The following ADGRG1 variants were observed in gnomAD, a reference collection of about 807,000 sequenced individuals.
ADGRG1 encodes the protein adhesion G protein-coupled receptor G1, also known as 7-transmembrane protein with no EGF-like N-terminal domains-1.
ADGRG1 carries 53 observed loss-of-function variants against 73.5 expected under a neutral mutation model. That is an observed-to-expected ratio of 0.72 (90% CI 0.58 to 0.91). ADGRG1 has a LOEUF of 0.91. ADGRG1 is among the 40% of genes least tolerant of loss of function. ADGRG1 has a pLI of 0.00. For missense variants in ADGRG1, 795 were observed against 871.8 expected (o/e 0.91, Z 1.11); for synonymous variants, 394 against 374.4 (o/e 1.05, Z -0.60).
rs200720786 is a variant in ADGRG1, at chr16:57,654,422, G to GTT, written c.768+300_768+301dup. Among the ~76,000 whole-genome samples, 10,585 of 114,076 alleles carry GTT rather than the reference G, an allele frequency of 0.093. 792 individuals are homozygous for GTT. The highest frequency in any genetic ancestry group is 0.21 in the South Asian group (644 of 3,018). 74.8% of individuals were successfully genotyped at this position (114,076 alleles called of 152,430 possible). A position where few individuals can be genotyped will look rare whatever the true frequency, so the allele number is the denominator to read the frequency against. ...GCCTGTCCACGCACCCCCCCCCCCC[G>GTT]TTTTTTTTTTTTCGAGACAGGGTCT... On this transcript the variant is annotated intron_variant, in intron 5 of 13. Transcript: ENST00000562631.
At chr16:57,660,569 T>C in intron 11 of ADGRG1, 199 bp from the exon 12 acceptor site, 1 of 822,284 alleles carries the variant, frequency 1.2e-6, no homozygotes, top group Non-Finnish European at 1.5e-6. Flanking sequence ...GGAGATGGCA[T>C]CCCCTTATAG....
chr16:57,653,613 GGCTCAGAGACGGCAGAGCC>G, intron 4 of ADGRG1: 1 of 982,938 alleles, frequency 1.0e-6, no homozygotes, highest in Non-Finnish European at 1.2e-6. Context: ...AGCAGACCAA[GGCTCAGAGACGGCAGAGCC>G]GCTCCAAGGC....
intron 12 of ADGRG1, 88 bp from the exon 13 acceptor site, chr16:57,661,609 A>C (rs1437275439): frequency 2.6e-6 from 4 of 1,543,390 alleles, no homozygotes; most frequent in Middle Eastern, 2.1e-4. Context: ...TAAACAGTGG[A>C]TAATCCTGAA....
chr16:57,661,819 A>G lies in ADGRG1; in HGVS notation c.1787A>G (p.His596Arg), dbSNP rs576843318. 16 of 1,614,192 alleles carry G rather than the reference A, an allele frequency of 9.9e-6. No homozygotes were observed. The African/African-American group carries it at 1.5e-4, about 15-fold the overall frequency. The part of the protein sequence containing the change: ...MVVQILRLRP[H>R]TQKWSHVLTL... The stretch of plus-strand genomic sequence containing the variant: ...GTGCAGATCCTGCGGCTGCGCCCCC[A>G]CACCCAAAAGTGGTCACATGTGCTG... The change falls in exon 13 of 14, where the codon CAC (histidine) becomes CGC (arginine). Residue 596 changes from histidine (H) to arginine (R), a missense_variant. By Grantham distance (29) the His-to-Arg change is conservative (BLOSUM62 0). Coordinates refer to ENST00000562631, the MANE Select transcript of ADGRG1 (RefSeq NM_201525.4).
At chr16:57,624,336 C>CA (rs762028893), upstream of ADGRG1, 151 of 164,180 alleles carry the variant, frequency 9.2e-4, 1 homozygote, top group Non-Finnish European at 5.6e-4. Context: ...CCTGTCTCTC[C>CA]AAAAAAATAC....
intron 12 of ADGRG1, chr16:57,661,187 G>A: frequency 1.5e-6 from 1 of 648,542 alleles, no homozygotes; most frequent in Middle Eastern, 7.9e-4. Context: ...GCACCTCTCT[G>A]TCTCCCCATG....
intron 1 of ADGRG1, chr16:57,637,131 C>A: frequency 5.8e-6 from 1 of 173,046 alleles, no homozygotes; most frequent in Non-Finnish European, 1.1e-5. Context: ...TGGCGTAAGG[C>A]TGGGGGACGG....
rs886722596 is a variant in ADGRG1, at chr16:57,646,940, G to A, written c.-35-3313G>A. 28 of 985,282 alleles carry A rather than the reference G, an allele frequency of 2.8e-5. No homozygotes were observed. The South Asian group carries it at 4.2e-4, about 15-fold the overall frequency. The allele number at this position is 985,282 out of a possible 1,614,324, so 61.0% of individuals were successfully genotyped here. ...AGGCAGGGCCCTTGCCTGTGGGGCC[G>A]TGGTTGGTACTGAGCGCCTGATGGC... On this transcript the variant is annotated intron_variant, in intron 1 of 13. Coordinates refer to ENST00000562631, the MANE Select transcript of ADGRG1 (RefSeq NM_201525.4).
chr16:57,642,595 C>G (rs1288351315), intron 1 of ADGRG1: 1 of 967,660 alleles, frequency 1.0e-6, no homozygotes, highest in Non-Finnish European at 1.2e-6. Context: ...CTTATCAGAG[C>G]CTTTGATATG....
intron 1 of ADGRG1, chr16:57,648,846 C>G (rs1485534420): frequency 6.7e-6 from 2 of 299,324 alleles, no homozygotes; most frequent in Non-Finnish European, 9.9e-6. Context: ...GCCAGGGCCA[C>G]AGGTTCCCTG....
At chr16:57,634,065 GC>G in intron 1 of ADGRG1, 1 of 985,400 alleles carries the variant, frequency 1.0e-6, no homozygotes, top group South Asian at 4.7e-5. Context: ...CATGGCCCTA[GC>G]CCTGGAGAGG....
At chr16:57,628,979 A>AGT in intron 1 of ADGRG1, 177 bp downstream of exon 1, 1 of 294,166 alleles carries the variant, frequency 3.4e-6, no homozygotes, top group Non-Finnish European at 4.0e-6. Context: ...AGTGTGTGAG[A>AGT]GTGAGTGAGA....
chr16:57,659,808 C>A, intron 11 of ADGRG1, 127 bp downstream of exon 11: 1 of 978,230 alleles, frequency 1.0e-6, no homozygotes, highest in Non-Finnish European at 1.5e-6. Context: ...CACTCATCCT[C>A]AGGTGTCCTT....
At chr16:57,652,059 AG>A (rs2044237825) in intron 3 of ADGRG1, 1 of 1,057,270 alleles carries the variant, frequency 9.5e-7, no homozygotes. Context: ...GGGCACAGAG[AG>A]GATGCCCAAA....
At chr16:57,644,996 A>C in intron 1 of ADGRG1, 1 of 868,954 alleles carries the variant, frequency 1.2e-6, no homozygotes, top group Non-Finnish European at 1.4e-6. Context: ...GCACACACAC[A>C]TGCACACTCA....
Position 57,665,380 on chromosome 16 carries a change from A to G in ADGRG1, c.*1798A>G, listed in dbSNP as rs11867121. On this transcript the variant is annotated 3_prime_UTR_variant, in exon 14 of 14. Transcript: ENST00000562631. ...CATGTAGCCAGACCACCTGCCTTTT[A>G]TGAGAAATGGGAAATCCAGACTGTG... 1 of 152,228 alleles carries G rather than the reference A, an allele frequency of 6.6e-6. No homozygotes were observed. The highest frequency in any genetic ancestry group is 6.5e-5 in the Admixed American group (1 of 15,286). The allele number at this position is 152,228 out of a possible 1,614,324, so 9.4% of individuals were successfully genotyped here.
upstream of ADGRG1, among the ~76,000 whole-genome samples, chr16:57,626,434 G>A (rs1109836): frequency 0.029 from 4,343 of 152,220 alleles, 125 homozygotes; most frequent in East Asian, 0.16. Context: ...TCCAGGTATC[G>A]CTACTATGAG....
At chr16:57,623,807 G>A (rs1157390998), upstream of ADGRG1, 5 of 985,296 alleles carry the variant, frequency 5.1e-6, no homozygotes. Context: ...GTACCCCCAC[G>A]CCTGTGTCCA....
intron 1 of ADGRG1, chr16:57,632,813 C>T: frequency 1.0e-6 from 1 of 985,404 alleles, no homozygotes; most frequent in Non-Finnish European, 1.2e-6. Flanking sequence ...GGCCTCTCTG[C>T]ATTAGTGGGA....
Sources: allele counts gnomAD v4.1 joint callset (sites outside exome capture counted in the v4.1 genomes callset), GRCh38; gene constraint gnomAD v4.1.1; transcripts MANE v1.5; gene names NCBI Gene and HGNC (gene_info 2026-07-23, HGNC 2026-07-21).